PRSS41: variants seen among roughly 807,000 people sequenced by gnomAD.
The protein encoded by PRSS41 is protease, serine 41.
In PRSS41, 37 loss-of-function variants were observed where a neutral mutation model predicts 28.8. That is an observed-to-expected ratio of 1.29 (90% CI 0.99 to 1.69). The LOEUF (loss-of-function observed/expected upper bound fraction) is 1.69, where lower values mean the gene tolerates loss of function less well. Among genes scored for constraint, PRSS41 ranks in the 40% most tolerant of loss-of-function variants. The pLI is 0.00. For synonymous variants in PRSS41, 195 were observed against 163.1 expected, an observed-to-expected ratio of 1.20 and a Z score of -1.49; for missense variants, 431 against 400.7, an observed-to-expected ratio of 1.08 and a Z score of -0.65.
chr16:2,799,110 G>A, exon 3 of PRSS41: 1 of 1,524,616 alleles, frequency 6.6e-7, no homozygotes, highest in South Asian at 1.2e-5. Context: ...TCTCGGCTGC[G>A]CACTGCTTCC....
chr16:2,804,529 A>T, exon 5 of PRSS41: 1 of 1,550,980 alleles, frequency 6.4e-7, no homozygotes, highest in Non-Finnish European at 8.7e-7. Flanking sequence ...TGAGGATGGC[A>T]GTGTAGACAC....
rs1321459467 is a variant in PRSS41, at chr16:2,803,323, C to T, written c.542-1066C>T. 9.9e-5 allele frequency among the ~76,000 whole-genome samples: 15 copies of T among 151,678 alleles called. 1 individual carries two copies. The East Asian group carries it at 1.4e-3, about 14-fold the overall frequency. ...TTGATTCCCTTCTCATTTCCTTCTCCGTGTTTATTTTGCTTTGTTAGTGGT... is the reference window on the plus strand; with the variant it reads ...TTGATTCCCTTCTCATTTCCTTCTCTGTGTTTATTTTGCTTTGTTAGTGGT... On this transcript the variant is annotated intron_variant, in intron 4 of 5. Transcript: ENST00000399677.
rs556309688 is a variant in PRSS41, at chr16:2,802,617, C to T, written c.542-1772C>T. On this transcript the variant is annotated intron_variant, in intron 4 of 5. Coordinates refer to ENST00000399677, the Ensembl canonical transcript of PRSS41. ...ATTGAGCACTGAGTGAACCAGACTC[C>T]GTCTGCAATCCCGGCACCTCGGGAG... Among the ~76,000 whole-genome samples the T allele has an allele frequency of 4.7e-3, 716 of 152,372 alleles. 4 individuals are homozygous for T. The highest frequency in any genetic ancestry group is 8.1e-3 in the Non-Finnish European group (552 of 68,036).
At chr16:2,802,536 G>A (rs1467081252) in intron 4 of PRSS41, among the ~76,000 whole-genome samples, 1 of 152,134 alleles carries the variant, frequency 6.6e-6, no homozygotes, top group Non-Finnish European at 1.5e-5. Flanking sequence ...CAGGCGGCTG[G>A]GAGGTGTAGG....
At chr16:2,804,512 C>T in exon 5 of PRSS41, 5 of 1,551,280 alleles carry the variant, frequency 3.2e-6, no homozygotes, top group Non-Finnish European at 4.4e-6. Flanking sequence ...ATGTTTTGTG[C>T]TGGTGCTGAG....
intron 2 of PRSS41, 58 bp from the exon 3 acceptor site, chr16:2,798,885 GCAAAGCCGGGCAGGGC>G (rs2068965759): frequency 1.4e-6 from 2 of 1,434,408 alleles, no homozygotes; most frequent in Admixed American, 2.8e-5. Context: ...GCACCCCGGG[GCAAAGCCGGGCAGGGC>G]GGGCCTGCCC....
At chr16:2,798,908 G>GGCCCCCCCCCCCCCCC in intron 2 of PRSS41, 51 bp from the exon 3 acceptor site, 2 of 1,415,388 alleles carry the variant, frequency 1.4e-6, no homozygotes, top group Non-Finnish European at 1.9e-6. Context: ...GGGCGGGCCT[G>GGCCCCCCCCCCCCCCC]CCCACCCCAC....
At chr16:2,803,344 G>A (rs1228054780) in intron 4 of PRSS41, among the ~76,000 whole-genome samples, 1 of 150,188 alleles carries the variant, frequency 6.7e-6, no homozygotes, top group East Asian at 1.9e-4. Context: ...TGCTTTGTTA[G>A]TGGTTGCTCT....
intron 4 of PRSS41, among the ~76,000 whole-genome samples, chr16:2,799,910 A>C (rs1196140527): frequency 6.6e-6 from 1 of 152,258 alleles, no homozygotes; most frequent in Admixed American, 6.5e-5. Context: ...AATTGAGGCA[A>C]CTCACAAACC....
rs775194339 is a variant in PRSS41, at chr16:2,798,577, G to A, written c.64+29G>A. On this transcript the variant is annotated intron_variant, in intron 1 of 5. Coordinates refer to ENST00000399677, the Ensembl canonical transcript of PRSS41. The stretch of plus-strand genomic sequence containing the variant: ...AGCTCGGGGCGCTACAGGCGGGACC[G>A]GGGGCAGCGAGGAGGCCGGGAGGTG... The A allele has an allele frequency of 4.6e-6, 7 of 1,523,798 alleles. No homozygotes were observed. The East Asian group carries it at 1.3e-4, about 28-fold the overall frequency. The allele number at this position is 1,523,798 out of a possible 1,614,324, so 94.4% of individuals were successfully genotyped here.
chr16:2,798,669 C>A lies in PRSS41; in HGVS notation c.91+7C>A. 6.8e-7 allele frequency: 1 copy of A among 1,463,116 alleles called. No individual in the cohort carries two copies. The highest frequency in any genetic ancestry group is 9.0e-7 in the Non-Finnish European group (1 of 1,110,864). The allele number at this position is 1,463,116 out of a possible 1,614,324, so 90.6% of individuals were successfully genotyped here. A position where few individuals can be genotyped will look rare whatever the true frequency, so the allele number is the denominator to read the frequency against. ...GAGGAGGAGCTGTTGTCAGGTAGGG[C>A]GCCCAGGACGCGCGATGCCAGCCAG... On this transcript the variant is annotated splice_region_variant and intron_variant, in intron 2 of 5. Transcript: ENST00000399677.
At chr16:2,803,089 A>G (rs2069000579) in intron 4 of PRSS41, among the ~76,000 whole-genome samples, 1 of 152,042 alleles carries the variant, frequency 6.6e-6, no homozygotes, top group South Asian at 2.1e-4. Flanking sequence ...TTTTTTTAAA[A>G]GCGATTTTAT....
At chr16:2,800,887 TTTTC>T (rs1418993431) in intron 4 of PRSS41, among the ~76,000 whole-genome samples, 104 of 152,312 alleles carry the variant, frequency 6.8e-4, no homozygotes, top group African/African-American at 2.5e-3. Flanking sequence ...TATGAAAATA[TTTTC>T]TTTCTTTATA....
rs941134498 is a variant in PRSS41, at chr16:2,799,231, T to G, written c.258-55T>G. On this transcript the variant is annotated intron_variant, in intron 3 of 5. Transcript: ENST00000399677. ...CTCAGGGACTGGGCCTCCAGCGTGC[T>G]CAGGCGGCCAGCCCCCTATTCCAAG... 4.6e-6 allele frequency: 7 copies of G among 1,533,592 alleles called. No individual in the cohort carries two copies. In the African/African-American group the frequency reaches 9.6e-5, roughly 21 times the overall value. 95.0% of individuals were successfully genotyped at this position (1,533,592 alleles called of 1,614,324 possible).
chr16:2,800,357 A>G (rs2068977911), intron 4 of PRSS41, among the ~76,000 whole-genome samples: 1 of 152,068 alleles, frequency 6.6e-6, no homozygotes, highest in Non-Finnish European at 1.5e-5. Context: ...CCTGACCAAT[A>G]TGGTGAAACC....
At chr16:2,804,572 A>G (rs2069008813) in intron 5 of PRSS41, 26 bp downstream of exon 5, 1 of 1,547,400 alleles carries the variant, frequency 6.5e-7, no homozygotes, top group Non-Finnish European at 8.7e-7. Flanking sequence ...CCACCAGGGA[A>G]TCCCACCCTC....
chr16:2,802,867 G>C lies in PRSS41; in HGVS notation c.542-1522G>C, dbSNP rs944604656. On this transcript the variant is annotated intron_variant, in intron 4 of 5. Transcript: ENST00000399677. ...GCATGAGAGGGAGACCGTGGGGAGAGGGAGAGGGAGAGGGAGAGGGAGAGG... is the reference window on the plus strand; with the variant it reads ...GCATGAGAGGGAGACCGTGGGGAGACGGAGAGGGAGAGGGAGAGGGAGAGG... Among the ~76,000 whole-genome samples, 4 of 146,158 alleles carry C rather than the reference G, an allele frequency of 2.7e-5. No homozygotes were observed. In the South Asian group the frequency reaches 8.8e-4, roughly 32 times the overall value.
Position 2,798,513 on chromosome 16 carries a change from C to CGTT in PRSS41, c.30_31insTTG (p.Leu13dup), listed in dbSNP as rs762672343. 6.1e-5 allele frequency: 93 copies of CGTT among 1,527,352 alleles called. No homozygotes were observed. The African/African-American group carries it at 1.2e-3, about 20-fold the overall frequency. The allele number at this position is 1,527,352 out of a possible 1,614,324, so 94.6% of individuals were successfully genotyped here. A position where few individuals can be genotyped will look rare whatever the true frequency, so the allele number is the denominator to read the frequency against. On this transcript the variant is annotated inframe_insertion, in exon 1 of 6. Coordinates refer to ENST00000399677, the Ensembl canonical transcript of PRSS41. ...GGCGCGCGCGGGGCGCTGCTGCTGG[C>CGTT]GCTGCTGCTGGCTCGGGCTGGACTC... is the stretch of plus-strand genomic sequence containing the variant.
chr16:2,801,090 C>T (rs1187607933), intron 4 of PRSS41, among the ~76,000 whole-genome samples: 10 of 152,170 alleles, frequency 6.6e-5, no homozygotes, highest in Non-Finnish European at 1.0e-4. Context: ...CTACCCACCT[C>T]GGCCTCCCAA....
Sources: gnomAD v4.1 joint callset for allele counts (sites outside exome capture counted in the v4.1 genomes callset) on GRCh38, gnomAD v4.1.1 for gene constraint, MANE v1.5 for transcripts, NCBI Gene and HGNC (gene_info 2026-07-23, HGNC 2026-07-21) for gene names.